SLCO2A1: variants seen among roughly 807,000 people sequenced by gnomAD.
SLCO2A1 encodes matrin F/G 1.
SLCO2A1 carries 60 observed loss-of-function variants against 71.7 expected under a neutral mutation model. That is an observed-to-expected ratio of 0.84 (90% CI 0.68 to 1.04). The LOEUF (loss-of-function observed/expected upper bound fraction) is 1.04, where lower values mean the gene tolerates loss of function less well. Among genes scored for constraint, SLCO2A1 ranks in the 50% least tolerant of loss-of-function variants. The pLI is 0.00. For missense variants in SLCO2A1, 745 were observed against 813.4 expected, an observed-to-expected ratio of 0.92 and a Z score of 1.02; for synonymous variants, 308 against 326.7, an observed-to-expected ratio of 0.94 and a Z score of 0.62.
At chr3:133,981,999 A>G (rs962843519) in intron 1 of SLCO2A1, among the ~76,000 whole-genome samples, 4 of 151,598 alleles carry the variant, frequency 2.6e-5, no homozygotes, top group Non-Finnish European at 5.9e-5. Context: ...AAAAAACAAA[A>G]CAAGAAAAAG....
At chr3:133,966,979 A>AGGATGCCCAAAGCCTG (rs1934194808) in intron 3 of SLCO2A1, among the ~76,000 whole-genome samples, 1 of 152,166 alleles carries the variant, frequency 6.6e-6, no homozygotes, top group Non-Finnish European at 1.5e-5. Flanking sequence ...CACTGTTCCC[A>AGGATGCCCAAAGCCTG]GGATGCCCAA....
In SLCO2A1 at chr3:133,945,327, C is replaced by T. The variant is rs981318680; in HGVS notation, c.1296-67G>A. The T allele has an allele frequency of 6.3e-5, 92 of 1,462,010 alleles. 1 individual carries two copies. The Middle Eastern group carries it at 2.2e-3, about 35-fold the overall frequency. The allele number at this position is 1,462,010 out of a possible 1,614,324, so 90.6% of individuals were successfully genotyped here. ...CCAAAGAAAAACCCTACACTCCAGC[C>T]CAGTGTGAGTTCCTGGCCTGGTGAG... is the stretch of plus-strand genomic sequence containing the variant. On this transcript the variant is annotated intron_variant, in intron 9 of 13. Transcript: ENST00000310926.
chr3:133,960,654 C>A (rs748781536), intron 3 of SLCO2A1, among the ~76,000 whole-genome samples: 3 of 152,172 alleles, frequency 2.0e-5, no homozygotes, highest in African/African-American at 7.2e-5. Flanking sequence ...GCATTGTGAA[C>A]GTACCTTAAT....
At chr3:133,963,082 G>A (rs375825746) in intron 3 of SLCO2A1, among the ~76,000 whole-genome samples, 8 of 152,072 alleles carry the variant, frequency 5.3e-5, no homozygotes, top group Admixed American at 2.0e-4. Context: ...GAAACAGGCC[G>A]GACCTCTTCC....
intron 3 of SLCO2A1, among the ~76,000 whole-genome samples, chr3:133,964,320 A>G (rs1432788578): frequency 6.6e-6 from 1 of 152,212 alleles, no homozygotes; most frequent in Non-Finnish European, 1.5e-5. Flanking sequence ...CCTGTCTTAC[A>G]ATATTCTTAT....
intron 1 of SLCO2A1, among the ~76,000 whole-genome samples, chr3:133,993,252 G>A (rs1334123355): frequency 2.6e-5 from 4 of 152,252 alleles, no homozygotes; most frequent in African/African-American, 4.8e-5. Flanking sequence ...TCCAGTTCCC[G>A]TGCACTCCAG....
chr3:134,001,928 G>T (rs549416287), intron 1 of SLCO2A1, among the ~76,000 whole-genome samples: 4 of 152,014 alleles, frequency 2.6e-5, no homozygotes, highest in African/African-American at 9.7e-5. Context: ...CACAGCGATC[G>T]CCACCCTCGT....
rs775085598 is a variant in SLCO2A1, at chr3:133,979,502, A to G, written c.213T>C (p.Gly71=). Reference sequence around the variant, plus strand: ...TCACCTCATTCAAGCTGGAAATGAGACCCGATGAAGAACTGGAGAGCCCAA... The same window carrying G: ...TCACCTCATTCAAGCTGGAAATGAGGCCCGATGAAGAACTGGAGAGCCCAA... The part of the protein sequence containing the change: ...KRFGLSSSSS[G]LISSLNEISN... Residue 71 remains glycine (G), a synonymous_variant, in exon 2 of 14, where the codon GGT becomes GGC. Coordinates refer to ENST00000310926, the MANE Select transcript of SLCO2A1 (RefSeq NM_005630.3). The G allele has an allele frequency of 1.2e-6, 2 of 1,614,114 alleles. No individual in the cohort carries two copies. The highest frequency in any genetic ancestry group is 2.2e-5 in the South Asian group (2 of 91,072).
chr3:133,947,777 A>G (rs1933623680), intron 8 of SLCO2A1, among the ~76,000 whole-genome samples: 3 of 152,178 alleles, frequency 2.0e-5, no homozygotes, highest in African/African-American at 7.2e-5. Flanking sequence ...GGTTAGCAAC[A>G]CAAGAGTGAT....
intron 1 of SLCO2A1, among the ~76,000 whole-genome samples, chr3:134,000,334 AGAG>A (rs1935082470): frequency 6.6e-6 from 1 of 152,090 alleles, no homozygotes; most frequent in Admixed American, 6.5e-5. Flanking sequence ...AATTCCACAG[AGAG>A]GAGGTCACTG....
Position 133,934,671 on chromosome 3 carries a change from C to T in SLCO2A1, c.*42G>A, listed in dbSNP as rs1199864734. 2.2e-6 allele frequency: 3 copies of T among 1,378,964 alleles called. No individual in the cohort carries two copies. The African/African-American group carries it at 4.3e-5, about 20-fold the overall frequency. 85.4% of individuals were successfully genotyped at this position (1,378,964 alleles called of 1,614,324 possible). On this transcript the variant is annotated 3_prime_UTR_variant, in exon 14 of 14. Coordinates refer to ENST00000310926, the MANE Select transcript of SLCO2A1 (RefSeq NM_005630.3). The stretch of plus-strand genomic sequence containing the variant: ...TGAGTATAGGCAGGTGTGGAAGAGT[C>T]AAGGTCCACTCTCTGGAGCAGGGCA...
intron 1 of SLCO2A1, among the ~76,000 whole-genome samples, chr3:133,991,634 T>G (rs1934849062): frequency 6.6e-6 from 1 of 152,190 alleles, no homozygotes; most frequent in Non-Finnish European, 1.5e-5. Context: ...CAGAACAATC[T>G]AGGAAGAAAC....
intron 1 of SLCO2A1, among the ~76,000 whole-genome samples, chr3:134,024,616 T>C (rs557669981): frequency 1.3e-5 from 2 of 152,306 alleles, no homozygotes; most frequent in African/African-American, 4.8e-5. Context: ...TCAAAACAAC[T>C]AGACGGGGTT....
At chr3:133,981,826 T>C (rs1934599419) in intron 1 of SLCO2A1, among the ~76,000 whole-genome samples, 1 of 151,808 alleles carries the variant, frequency 6.6e-6, no homozygotes, top group Non-Finnish European at 1.5e-5. Flanking sequence ...AATACAAAAA[T>C]TAACCAGGCG....
intron 11 of SLCO2A1, among the ~76,000 whole-genome samples, chr3:133,939,963 T>C (rs1455995701): frequency 1.1e-4 from 6 of 55,260 alleles, no homozygotes; most frequent in African/African-American, 4.2e-4. Flanking sequence ...CAAAGTCATC[T>C]TTTTTTTTTT....
chr3:133,958,177 G>A (rs1273299356), intron 3 of SLCO2A1, among the ~76,000 whole-genome samples: 10 of 152,250 alleles, frequency 6.6e-5, no homozygotes, highest in Admixed American at 6.5e-4. Flanking sequence ...ATCCCAGGGT[G>A]AGGTCAGGGT....
intron 1 of SLCO2A1, among the ~76,000 whole-genome samples, chr3:134,016,367 G>A (rs1185129932): frequency 1.3e-5 from 2 of 151,928 alleles, no homozygotes; most frequent in Admixed American, 1.3e-4. Flanking sequence ...TAGAAGATGG[G>A]CAAAATATAG....
chr3:133,980,754 G>C (rs139680371), intron 1 of SLCO2A1, among the ~76,000 whole-genome samples: 1 of 152,328 alleles, frequency 6.6e-6, no homozygotes, highest in Non-Finnish European at 1.5e-5. Context: ...TTCCTGCCAG[G>C]GCAGAACCTT....
chr3:133,947,258 A>AG lies in SLCO2A1; in HGVS notation c.1292dup (p.Ser432Ter). 6.2e-7 allele frequency: 1 copy of AG among 1,613,492 alleles called. No homozygotes were observed. The highest frequency in any genetic ancestry group is 1.1e-5 in the South Asian group (1 of 91,040). On this transcript the variant is annotated frameshift_variant, in exon 9 of 14. Coordinates refer to ENST00000310926, the MANE Select transcript of SLCO2A1 (RefSeq NM_005630.3). LOFTEE classifies it high-confidence loss of function. ...TCTCTACCCCTTATTCCCATTACCT[A>AG]GGGGGGTAGACTTCGGCCACAGTTG...
Sources: gnomAD v4.1 joint callset for allele counts (sites outside exome capture counted in the v4.1 genomes callset) on GRCh38, gnomAD v4.1.1 for gene constraint, MANE v1.5 for transcripts, NCBI Gene and HGNC (gene_info 2026-07-23, HGNC 2026-07-21) for gene names.